CDC25C: variants seen among roughly 807,000 people sequenced by gnomAD.
CDC25C encodes the protein M-phase inducer phosphatase 3.
CDC25C carries 48 observed loss-of-function variants against 52.5 expected under a neutral mutation model. The observed-to-expected ratio is 0.91, with a 90% CI of 0.72 to 1.16. CDC25C has a LOEUF of 1.16. Among genes scored for constraint, CDC25C ranks in the 50% most tolerant of loss-of-function variants. The probability of loss-of-function intolerance (pLI) is 0.00; values close to 1 mark genes in which losing one functional copy is unlikely to be tolerated. For missense variants in CDC25C, 510 were observed against 566.1 expected (o/e 0.90, Z 1.01); for synonymous variants, 187 against 206.5 (o/e 0.91, Z 0.81).
At chr5:138,326,952 CAAA>C (rs1208599313) in intron 4 of CDC25C, among the ~76,000 whole-genome samples, 5 of 61,380 alleles carry the variant, frequency 8.1e-5, no homozygotes, top group Non-Finnish European at 8.4e-5. Flanking sequence ...AACTCCGTCT[CAAA>C]AAAAAAAAAA....
chr5:138,330,775 C>T (rs985515704), intron 2 of CDC25C, among the ~76,000 whole-genome samples: 1 of 152,178 alleles, frequency 6.6e-6, no homozygotes, highest in African/African-American at 2.4e-5. Context: ...TCCCAAAGTG[C>T]GGAGATTACA....
At chr5:138,326,952 CAAAAAAAAAAAAA>C (rs1208599313) in intron 4 of CDC25C, among the ~76,000 whole-genome samples, 1 of 61,406 alleles carries the variant, frequency 1.6e-5, no homozygotes, top group Non-Finnish European at 2.8e-5. Context: ...AACTCCGTCT[CAAAAAAAAAAAAA>C]AAAAAAAAAG....
chr5:138,331,784 T>C lies in CDC25C; in HGVS notation c.-228A>G. ...GTCTTCCCTGAGCAGAAGGCCAAAG[T>C]TACGGCCTCTGAGCAAGAATATCAA... is the stretch of plus-strand genomic sequence containing the variant. On this transcript the variant is annotated 5_prime_UTR_variant, in exon 1 of 14. Transcript: ENST00000323760. 1 of 959,490 alleles carries C rather than the reference T, an allele frequency of 1.0e-6. No individual in the cohort carries two copies. The allele number at this position is 959,490 out of a possible 1,614,324, so 59.4% of individuals were successfully genotyped here.
At chr5:138,292,988 C>A (rs1756874254) in intron 7 of CDC25C, among the ~76,000 whole-genome samples, 1 of 152,102 alleles carries the variant, frequency 6.6e-6, no homozygotes, top group Admixed American at 6.6e-5. Flanking sequence ...GGGGGCTATA[C>A]AATAAGAGAG....
intron 7 of CDC25C, among the ~76,000 whole-genome samples, chr5:138,306,739 G>C (rs1462351319): frequency 6.6e-6 from 1 of 150,778 alleles, no homozygotes; most frequent in Admixed American, 6.6e-5. Context: ...GCCTCCCAAA[G>C]TGCTGGGATT....
intron 7 of CDC25C, among the ~76,000 whole-genome samples, chr5:138,302,820 G>A (rs560013930): frequency 1.3e-5 from 2 of 152,178 alleles, no homozygotes; most frequent in South Asian, 2.1e-4. Flanking sequence ...AGCACTTTGG[G>A]AGGCTGAGGC....
intron 7 of CDC25C, among the ~76,000 whole-genome samples, chr5:138,297,074 C>G (rs1160203996): frequency 6.8e-6 from 1 of 146,466 alleles, no homozygotes; most frequent in Non-Finnish European, 1.5e-5. Context: ...CCACGCCAGG[C>G]TAATTTTTTT....
chr5:138,327,882 T>C (rs983516051), intron 4 of CDC25C, among the ~76,000 whole-genome samples: 17 of 151,912 alleles, frequency 1.1e-4, no homozygotes, highest in African/African-American at 4.1e-4. Flanking sequence ...TTTTTTTTTT[T>C]CTGAGACGGA....
chr5:138,297,796 A>C (rs1757325315), intron 7 of CDC25C, among the ~76,000 whole-genome samples: 1 of 152,204 alleles, frequency 6.6e-6, no homozygotes, highest in African/African-American at 2.4e-5. Context: ...AAATCAAAAC[A>C]AAGAAGGATG....
intron 10 of CDC25C, among the ~76,000 whole-genome samples, chr5:138,288,663 G>A (rs1310598310): frequency 3.9e-5 from 6 of 152,120 alleles, no homozygotes; most frequent in Non-Finnish European, 7.4e-5. Context: ...TTGCACTCCA[G>A]CCTGGGCAAC....
chr5:138,300,671 A>ATGT (rs1757565427), intron 7 of CDC25C, among the ~76,000 whole-genome samples: 1 of 152,204 alleles, frequency 6.6e-6, no homozygotes, highest in South Asian at 2.1e-4. Flanking sequence ...TATTCTACTC[A>ATGT]AGAATAGAGA....
chr5:138,303,335 T>TA (rs1303381368), intron 7 of CDC25C, among the ~76,000 whole-genome samples: 2 of 152,148 alleles, frequency 1.3e-5, no homozygotes, highest in African/African-American at 4.8e-5. Context: ...ATTGGTAATA[T>TA]AGGAGTGGGG....
At chr5:138,321,132 A>G (rs886932743) in intron 6 of CDC25C, among the ~76,000 whole-genome samples, 6 of 152,004 alleles carry the variant, frequency 3.9e-5, no homozygotes, top group African/African-American at 7.3e-5. Flanking sequence ...TATTCTACTC[A>G]TATGAGGTAT....
At chr5:138,305,757 A>G (rs1006146168) in intron 7 of CDC25C, among the ~76,000 whole-genome samples, 12 of 152,230 alleles carry the variant, frequency 7.9e-5, no homozygotes, top group African/African-American at 2.7e-4. Context: ...GCTGCCTAAC[A>G]TACTGTTTCA....
At chr5:138,333,737 CAAGT>C (rs1444523147), upstream of CDC25C, 4 of 152,162 alleles carry the variant, frequency 2.6e-5, no homozygotes, top group Admixed American at 1.3e-4. Context: ...ACCAGGTCCT[CAAGT>C]AAGTGCAGTT....
exon 1 of CDC25C, chr5:138,337,990 G>C (rs1391195260): frequency 7.8e-7 from 1 of 1,289,496 alleles, no homozygotes; most frequent in African/African-American, 1.5e-5. Flanking sequence ...CGGGTTTCAA[G>C]ATGTGCCTCC....
At chr5:138,330,292 C>T (rs1392094534) in intron 2 of CDC25C, among the ~76,000 whole-genome samples, 1 of 151,862 alleles carries the variant, frequency 6.6e-6, no homozygotes, top group Non-Finnish European at 1.5e-5. Context: ...GGCTTGATTT[C>T]TCCCTGGGGT....
intron 3 of CDC25C, 198 bp from the exon 4 acceptor site, chr5:138,328,727 T>C (rs1760092518): frequency 3.9e-6 from 2 of 516,568 alleles, no homozygotes; most frequent in Non-Finnish European, 6.9e-6. Context: ...TATGTGTCAC[T>C]AAAAGAAATC....
Position 138,286,515 on chromosome 5 carries a change from G to A in CDC25C, c.1142C>T (p.Ser381Leu). ...IIIVFHCEFS[S>L]ERGPRMCRCL... ...CACTCACATTCGGGGGCCCCTCTCT[G>A]AGGAGAATTCACAGTGGAACACGAT... Residue 381 changes from serine to leucine, a missense_variant, in exon 12 of 14, where the codon TCA (serine) becomes TTA (leucine). By Grantham distance (145) the Ser-to-Leu change is moderately radical (BLOSUM62 -2). Coordinates refer to ENST00000323760, the MANE Select transcript of CDC25C (RefSeq NM_001790.5). 1 of 1,612,748 alleles carries A rather than the reference G, an allele frequency of 6.2e-7. No individual in the cohort carries two copies. The highest frequency in any genetic ancestry group is 8.5e-7 in the Non-Finnish European group (1 of 1,179,468).
Sources: allele counts gnomAD v4.1 joint callset (sites outside exome capture counted in the v4.1 genomes callset), GRCh38; gene constraint gnomAD v4.1.1; transcripts MANE v1.5; gene names NCBI Gene and HGNC (gene_info 2026-07-23, HGNC 2026-07-21).